Variants in ERGIC2 observed in about 807,000 individuals in gnomAD.
ERGIC2 encodes the protein ERGIC and golgi 2, also known as endoplasmic reticulum-Golgi intermediate compartment protein 2.
In ERGIC2, 31 loss-of-function variants were observed where a neutral mutation model predicts 52.5. The ratio of observed to expected loss-of-function variants is 0.59; its 90% CI spans 0.44 to 0.80. The LOEUF (loss-of-function observed/expected upper bound fraction) is 0.80. Ranked by LOEUF, ERGIC2 falls within the 30% of genes least tolerant of loss-of-function variation. ERGIC2 has a pLI of 0.00. For missense variants in ERGIC2, 395 were observed against 455.2 expected, an observed-to-expected ratio of 0.87 and a Z score of 1.20; for synonymous variants, 129 against 140.6, an observed-to-expected ratio of 0.92 and a Z score of 0.58.
intron 9 of ERGIC2, 76 bp downstream of exon 9, chr12:29,349,937 T>C: frequency 1.2e-6 from 1 of 866,048 alleles, no homozygotes; most frequent in Non-Finnish European, 1.9e-6. Context: ...CACTTTCAAC[T>C]ACACTATATC....
intron 1 of ERGIC2, among the ~76,000 whole-genome samples, chr12:29,379,839 C>A (rs1187248593): frequency 7.3e-5 from 11 of 151,622 alleles, no homozygotes; most frequent in Admixed American, 7.2e-4. Context: ...CTAAAAGTAA[C>A]TTCTGGTAAA....
chr12:29,367,146 T>A lies in ERGIC2; in HGVS notation c.263-199A>T, dbSNP rs187044612. Among the ~76,000 whole-genome samples, 3 of 151,250 alleles carry A rather than the reference T, an allele frequency of 2.0e-5. No homozygotes were observed. The East Asian group carries it at 5.8e-4, about 29-fold the overall frequency. On this transcript the variant is annotated intron_variant, in intron 4 of 13. Coordinates refer to ENST00000360150, the MANE Select transcript of ERGIC2 (RefSeq NM_016570.3). ...CCTTATATAGCTTAGGTGGAGATTA[T>A]TCCAAAATGTAATAATGTTTTTTCT...
intron 2 of ERGIC2, among the ~76,000 whole-genome samples, chr12:29,371,196 T>A (rs997067341): frequency 6.6e-6 from 1 of 152,152 alleles, no homozygotes; most frequent in Non-Finnish European, 1.5e-5. Flanking sequence ...ACTAGTATGA[T>A]CCCTATTTCA....
At chr12:29,360,225 T>C (rs1940264176) in intron 6 of ERGIC2, among the ~76,000 whole-genome samples, 1 of 151,962 alleles carries the variant, frequency 6.6e-6, no homozygotes, top group Non-Finnish European at 1.5e-5. Flanking sequence ...GAAATTCTAT[T>C]TCTAGAAATA....
chr12:29,352,105 A>C (rs1251496828), intron 8 of ERGIC2, among the ~76,000 whole-genome samples: 1 of 152,174 alleles, frequency 6.6e-6, no homozygotes, highest in Non-Finnish European at 1.5e-5. Flanking sequence ...GGACAGGAAT[A>C]CACACAGCAC....
intron 10 of ERGIC2, among the ~76,000 whole-genome samples, chr12:29,348,689 T>C (rs1046861199): frequency 5.3e-5 from 8 of 151,990 alleles, no homozygotes; most frequent in Admixed American, 1.3e-4. Flanking sequence ...TTTTAAAACT[T>C]TGAACCTATA....
chr12:29,369,762 T>C (rs1055239413), intron 3 of ERGIC2, among the ~76,000 whole-genome samples: 2 of 152,024 alleles, frequency 1.3e-5, no homozygotes, highest in African/African-American at 4.8e-5. Context: ...GGGTATACAA[T>C]GTATCCTTAG....
rs192515731 is a variant in ERGIC2, at chr12:29,350,812, C to T, written c.573-744G>A. 2.1e-4 allele frequency among the ~76,000 whole-genome samples: 32 copies of T among 152,134 alleles called. No individual in the cohort carries two copies. In the East Asian group the frequency reaches 6.2e-3, roughly 29 times the overall value. ...AATATATTCAAGTATGAGAATGAGT[C>T]CAGATCCTTGCTTTAACTTTTGACA... On this transcript the variant is annotated intron_variant, in intron 8 of 13. Coordinates refer to ENST00000360150, the MANE Select transcript of ERGIC2 (RefSeq NM_016570.3).
Position 29,343,289 on chromosome 12 carries a change from G to T in ERGIC2, c.826-7C>A. On this transcript the variant is annotated splice_polypyrimidine_tract_variant and splice_region_variant and intron_variant, in intron 11 of 13. Coordinates refer to ENST00000360150, the MANE Select transcript of ERGIC2 (RefSeq NM_016570.3). ...CATGGTTAATGATACGTTCCTAAAA[G>T]GGAGGCAAAAGGAAGGGGAGAAATA... The T allele has an allele frequency of 6.4e-7, 1 of 1,573,042 alleles. No homozygotes were observed. The highest frequency in any genetic ancestry group is 1.2e-5 in the South Asian group (1 of 85,322).
intron 4 of ERGIC2, among the ~76,000 whole-genome samples, chr12:29,367,934 A>G (rs1169864774): frequency 6.6e-6 from 1 of 151,852 alleles, no homozygotes; most frequent in East Asian, 1.9e-4. Context: ...TGGGTATAAA[A>G]GCTAGTACTC....
chr12:29,377,996 G>A (rs2136885626), intron 1 of ERGIC2, among the ~76,000 whole-genome samples: 1 of 152,290 alleles, frequency 6.6e-6, no homozygotes, highest in Admixed American at 6.5e-5. Flanking sequence ...AGTCTGAACT[G>A]TGTCAACTCA....
intron 6 of ERGIC2, among the ~76,000 whole-genome samples, chr12:29,359,423 G>C (rs1021366136): frequency 2.0e-5 from 3 of 151,906 alleles, no homozygotes; most frequent in East Asian, 3.8e-4. Context: ...AAAAATTTCT[G>C]CCTTCACTGT....
rs904019881 is a variant in ERGIC2 at position 29,340,140 on chromosome 12, T to C, written c.*1016A>G. The C allele has an allele frequency of 6.6e-6, 1 of 152,202 alleles. No homozygotes were observed. Among genetic ancestry groups the C allele is most frequent in the African/African-American group, 2.4e-5 (1 of 41,470 alleles). 9.4% of individuals were successfully genotyped at this position (152,202 alleles called of 1,614,324 possible). On this transcript the variant is annotated 3_prime_UTR_variant, in exon 14 of 14. Transcript: ENST00000360150. ...GCAAATACTTCATAATACAGTTTTA[T>C]AGTTTAATGGACAATGTTTAACATG...
chr12:29,366,967 A>C lies in ERGIC2; in HGVS notation c.263-20T>G, dbSNP rs938880559. ...CAACATCTGCATAGAAAAAAGAATT[A>C]GAAGTTTTACATTCTATGCTTGGAG... On this transcript the variant is annotated intron_variant, in intron 4 of 13. Transcript: ENST00000360150. The C allele has an allele frequency of 6.4e-7, 1 of 1,550,924 alleles. No individual in the cohort carries two copies. The highest frequency in any genetic ancestry group is 8.8e-7 in the Non-Finnish European group (1 of 1,138,186).
At chr12:29,357,091 C>G (rs1286280285) in intron 7 of ERGIC2, among the ~76,000 whole-genome samples, 1 of 151,990 alleles carries the variant, frequency 6.6e-6, no homozygotes, top group Non-Finnish European at 1.5e-5. Flanking sequence ...CTCAGCCTCC[C>G]AAGTAGCTGG....
intron 8 of ERGIC2, among the ~76,000 whole-genome samples, chr12:29,354,702 G>A (rs1940178409): frequency 6.6e-6 from 1 of 152,140 alleles, no homozygotes; most frequent in African/African-American, 2.4e-5. Context: ...CTCTGATAGT[G>A]TGAGTTACCA....
chr12:29,343,924 C>T (rs558758467), intron 11 of ERGIC2, among the ~76,000 whole-genome samples: 1 of 152,126 alleles, frequency 6.6e-6, no homozygotes, highest in East Asian at 1.9e-4. Context: ...CCTCCCACCC[C>T]CTATCCTGCA....
At chr12:29,374,840 C>T (rs1220343130) in intron 1 of ERGIC2, among the ~76,000 whole-genome samples, 1 of 152,148 alleles carries the variant, frequency 6.6e-6, no homozygotes, top group East Asian at 1.9e-4. Flanking sequence ...AATCTTCAAC[C>T]TTCCAATTCT....
chr12:29,375,479 A>T (rs988998675), intron 1 of ERGIC2, among the ~76,000 whole-genome samples: 5 of 152,326 alleles, frequency 3.3e-5, no homozygotes, highest in Non-Finnish European at 1.5e-5. Flanking sequence ...AAGATCCACA[A>T]GAAGGATTTT....
Sources: allele counts gnomAD v4.1 joint callset (sites outside exome capture counted in the v4.1 genomes callset), GRCh38; gene constraint gnomAD v4.1.1; transcripts MANE v1.5; gene names NCBI Gene and HGNC (gene_info 2026-07-23, HGNC 2026-07-21).